Variants in EVC observed in about 807,000 individuals in gnomAD.
The protein encoded by EVC is evC complex member EVC.
EVC carries 116 observed loss-of-function variants against 118.9 expected under a neutral mutation model. That is an observed-to-expected ratio of 0.98 (90% confidence interval 0.84 to 1.14). The LOEUF (loss-of-function observed/expected upper bound fraction) is 1.14, where lower values mean the gene tolerates loss of function less well. Among genes scored for constraint, EVC ranks in the 50% most tolerant of loss-of-function variants. The pLI is 0.00. For synonymous variants in EVC, 619 were observed against 534.7 expected (o/e 1.16, Z -2.18); for missense variants, 1,401 against 1,246.4 (o/e 1.12, Z -1.87).
chr4:5,814,727 T>A (rs1717414980), downstream of EVC, among the ~76,000 whole-genome samples: 1 of 151,652 alleles, frequency 6.6e-6, no homozygotes, highest in Non-Finnish European at 1.5e-5. Flanking sequence ...CACTGGGCCT[T>A]TGCTCATGAT....
chr4:5,717,995 C>T (rs534887146), intron 1 of EVC, among the ~76,000 whole-genome samples: 5 of 152,282 alleles, frequency 3.3e-5, no homozygotes, highest in South Asian at 2.1e-4. Context: ...AGCAGATGCT[C>T]GATAATAGTA....
intron 17 of EVC, among the ~76,000 whole-genome samples, chr4:5,805,212 C>T (rs998568548): frequency 7.9e-5 from 12 of 152,134 alleles, no homozygotes; most frequent in African/African-American, 2.2e-4. Flanking sequence ...GGAGGTGACC[C>T]GCAGAGGCAC....
chr4:5,773,302 G>T (rs537795648), intron 11 of EVC, among the ~76,000 whole-genome samples: 1 of 152,130 alleles, frequency 6.6e-6, no homozygotes, highest in Non-Finnish European at 1.5e-5. Context: ...GCTCTCATGG[G>T]CTGCAGCTTG....
chr4:5,800,424 C>G (rs1714759610), intron 15 of EVC, among the ~76,000 whole-genome samples: 1 of 152,094 alleles, frequency 6.6e-6, no homozygotes, highest in South Asian at 2.1e-4. Context: ...AACCTGTATT[C>G]AGGGGCTTCC....
Position 5,749,058 on chromosome 4 carries a change from G to C in EVC, c.1098+752G>C, listed in dbSNP as rs1729944877. 6.6e-6 allele frequency among the ~76,000 whole-genome samples: 1 copy of C among 152,048 alleles called. No homozygotes were observed. Among genetic ancestry groups the C allele is most frequent in the Admixed American group, 6.5e-5 (1 of 15,278 alleles). On this transcript the variant is annotated intron_variant, in intron 8 of 20. Transcript: ENST00000264956. This position sits in a 1 kb window ranked among gnomAD's most constrained non-coding sequence, Gnocchi z 4.4. Reference sequence around the variant, plus strand: ...GGGTTGACGCCCACTGGTGTAGACAGAGCATTGATTGACTTTCCTGATTGC... The same window carrying C: ...GGGTTGACGCCCACTGGTGTAGACACAGCATTGATTGACTTTCCTGATTGC...
At chr4:5,745,120 T>C (rs1408452358) in intron 6 of EVC, 84 bp from the exon 7 acceptor site, 1 of 1,375,084 alleles carries the variant, frequency 7.3e-7, no homozygotes, top group Non-Finnish European at 1.0e-6. Flanking sequence ...ATTTGAAAAA[T>C]AAAAGCATTT....
rs759187395 is a variant in EVC at position 5,797,139 on chromosome 4, G to A, written c.2004G>A (p.Lys668=). Reference sequence around the variant, plus strand: ...CGCAGATGCGGCTATCGGGGAAGAAGCACCTCCTGCAGGAGCTGCGGGAAC... The same window carrying A: ...CGCAGATGCGGCTATCGGGGAAGAAACACCTCCTGCAGGAGCTGCGGGAAC... ...TLTQMRLSGK[K]HLLQELREQR... The change falls in exon 14 of 21, where the codon AAG becomes AAA. Residue 668 remains lysine, a synonymous_variant. Transcript: ENST00000264956. The A allele has an allele frequency of 1.2e-6, 2 of 1,613,646 alleles. No homozygotes were observed. The highest frequency in any genetic ancestry group is 1.1e-5 in the South Asian group (1 of 91,080).
At chr4:5,761,894 A>C (rs1290851762) in intron 11 of EVC, among the ~76,000 whole-genome samples, 6 of 151,126 alleles carry the variant, frequency 4.0e-5, no homozygotes, top group Admixed American at 6.6e-5. Flanking sequence ...ATCAGTTGGC[A>C]GCTTAGAATT....
intron 12 of EVC, among the ~76,000 whole-genome samples, chr4:5,791,690 G>A (rs1228104356): frequency 1.3e-5 from 2 of 152,040 alleles, no homozygotes; most frequent in Non-Finnish European, 2.9e-5. Flanking sequence ...GCTGGGCCTG[G>A]GTGTTCTCCT....
intron 11 of EVC, among the ~76,000 whole-genome samples, chr4:5,767,805 A>C (rs1302144094): frequency 1.3e-5 from 2 of 152,050 alleles, no homozygotes; most frequent in Non-Finnish European, 2.9e-5. Context: ...ACTGTCTGGC[A>C]CTCCCTAGTG....
At position 5,745,274 on chromosome 4, in the gene EVC, C is replaced by CT. The variant is rs527255616; in HGVS notation, c.873dup (p.Glu292Ter). 16 of 1,613,756 alleles carry CT rather than the reference C, an allele frequency of 9.9e-6. No individual in the cohort carries two copies. The highest frequency in any genetic ancestry group is 1.2e-5 in the Non-Finnish European group (14 of 1,179,864). ...ACAGAAATGTCGGGGGCTGGTGACT[C>CT]TGAGTACATCACCCTGGCTGATGTG... On this transcript the variant is annotated frameshift_variant, in exon 7 of 21. Coordinates refer to ENST00000264956, the MANE Select transcript of EVC (RefSeq NM_153717.3). LOFTEE classifies it high-confidence loss of function.
chr4:5,732,108 TG>T (rs1465701710), intron 4 of EVC, among the ~76,000 whole-genome samples: 1 of 141,706 alleles, frequency 7.1e-6, no homozygotes, highest in East Asian at 1.9e-4. Flanking sequence ...AAGTTGGTAC[TG>T]TCATTTCCTC....
At chr4:5,803,103 C>T (rs3774876) in intron 16 of EVC, among the ~76,000 whole-genome samples, 15,060 of 152,222 alleles carry the variant, frequency 0.099, 1,026 homozygotes, top group East Asian at 0.22. Flanking sequence ...ATAGAAAGGA[C>T]AGTATCCCCA....
intron 11 of EVC, among the ~76,000 whole-genome samples, chr4:5,774,823 T>G (rs555536129): frequency 6.6e-6 from 1 of 152,220 alleles, no homozygotes; most frequent in Admixed American, 6.5e-5. Context: ...AAAGCAATAA[T>G]GCAAATTAAT....
At chr4:5,801,226 G>C (rs1026606912) in intron 15 of EVC, among the ~76,000 whole-genome samples, 1 of 152,204 alleles carries the variant, frequency 6.6e-6, no homozygotes, top group Admixed American at 6.5e-5. Context: ...TGTGACCGAG[G>C]ACGAGGGTCT....
chr4:5,796,974 C>T (rs747101911), intron 13 of EVC, 48 bp from the exon 14 acceptor site: 43 of 1,416,906 alleles, frequency 3.0e-5, no homozygotes, highest in Middle Eastern at 3.5e-4. Flanking sequence ...TCACTGGCTT[C>T]GTGAAGCCAA....
At chr4:5,776,087 T>G (rs1220771692) in intron 11 of EVC, among the ~76,000 whole-genome samples, 1 of 152,100 alleles carries the variant, frequency 6.6e-6, no homozygotes, top group Non-Finnish European at 1.5e-5. Context: ...GTGTTTCTCA[T>G]GCATAGAAAT....
chr4:5,816,195 C>T (rs1471065211), downstream of EVC, among the ~76,000 whole-genome samples: 5 of 152,190 alleles, frequency 3.3e-5, no homozygotes, highest in East Asian at 5.8e-4. Context: ...GATGCACCTC[C>T]TGCCCACCGA....
At chr4:5,821,805 G>A in the EVC span, 13 of 1,611,444 alleles carry the variant, frequency 8.1e-6, no homozygotes, top group East Asian at 1.3e-4. The surrounding 1 kb of genome is among the most constrained non-coding windows in gnomAD (Gnocchi z 4.4). Flanking sequence ...GGGGCGCCAC[G>A]ATGCGGTGGC....
Sources: allele counts gnomAD v4.1 joint callset (sites outside exome capture counted in the v4.1 genomes callset), GRCh38; gene constraint gnomAD v4.1.1; non-coding constraint Gnocchi (gnomAD v3.1); transcripts MANE v1.5; gene names NCBI Gene and HGNC (gene_info 2026-07-23, HGNC 2026-07-21).